MFHAS1: variants seen among roughly 807,000 people sequenced by gnomAD.
MFHAS1 encodes malignant fibrous histiocytoma-amplified sequence 1.
Under a neutral mutation model 70.4 loss-of-function variants are expected in MFHAS1, and 50 were observed. The ratio of observed to expected loss-of-function variants is 0.71; its 90% CI spans 0.57 to 0.90. MFHAS1 has a LOEUF of 0.90. MFHAS1 is among the 40% of genes least tolerant of loss of function. The pLI, the probability that MFHAS1 is intolerant of heterozygous loss-of-function variation, is 0.00. For missense variants in MFHAS1, 1,795 were observed against 1,347.6 expected (o/e 1.33, Z -5.20); for synonymous variants, 952 against 620.0 (o/e 1.54, Z -7.96).
At chr8:8,886,898 G>T (rs150632581) in intron 1 of MFHAS1, among the ~76,000 whole-genome samples, 243 of 152,280 alleles carry the variant, frequency 1.6e-3, no homozygotes, top group African/African-American at 5.7e-3. Context: ...GACTGAGGTG[G>T]GTGGATCATC....
rs983259684 is a variant in MFHAS1, at chr8:8,784,279, C to T, written c.*1743G>A. ...TTAAATGTGACCATTCAGTTTTACA[C>T]ACATGCACACACACACACACGGAGA... is the stretch of plus-strand genomic sequence containing the variant. On this transcript the variant is annotated 3_prime_UTR_variant, in exon 3 of 3. Transcript: ENST00000276282. 6.6e-6 allele frequency: 1 copy of T among 152,272 alleles called. No individual in the cohort carries two copies. The highest frequency in any genetic ancestry group is 1.9e-4 in the East Asian group (1 of 5,184). 9.4% of individuals were successfully genotyped at this position (152,272 alleles called of 1,614,324 possible).
chr8:8,788,463 G>C (rs1277761783), intron 2 of MFHAS1, among the ~76,000 whole-genome samples: 1 of 152,234 alleles, frequency 6.6e-6, no homozygotes, highest in African/African-American at 2.4e-5. Flanking sequence ...CAGATCACCT[G>C]AGGTCAGGAG....
intron 1 of MFHAS1, among the ~76,000 whole-genome samples, chr8:8,824,282 C>G (rs1475682670): frequency 6.6e-6 from 1 of 152,042 alleles, no homozygotes; most frequent in Non-Finnish European, 1.5e-5. Context: ...CATCTCACAT[C>G]TTGCATCTTC....
chr8:8,842,261 C>T (rs1807855049), intron 1 of MFHAS1, among the ~76,000 whole-genome samples: 1 of 152,086 alleles, frequency 6.6e-6, no homozygotes, highest in Non-Finnish European at 1.5e-5. Context: ...CCTCGGCTCA[C>T]TGCAACCTCT....
chr8:8,811,432 T>A (rs760715747), intron 1 of MFHAS1, among the ~76,000 whole-genome samples: 3 of 152,082 alleles, frequency 2.0e-5, no homozygotes, highest in Non-Finnish European at 4.4e-5. Context: ...CACACCATCA[T>A]ACCTCATTTT....
chr8:8,857,365 G>A (rs548255243), intron 1 of MFHAS1, among the ~76,000 whole-genome samples: 20 of 152,154 alleles, frequency 1.3e-4, no homozygotes, highest in African/African-American at 4.8e-4. Flanking sequence ...GCCAAAATAT[G>A]CCAAATTTTT....
intron 1 of MFHAS1, among the ~76,000 whole-genome samples, chr8:8,878,034 A>G (rs1260557115): frequency 6.6e-6 from 1 of 152,130 alleles, no homozygotes; most frequent in Non-Finnish European, 1.5e-5. Flanking sequence ...TTAACTAGAA[A>G]TCATCCTCTG....
At chr8:8,856,125 G>A (rs1008093325) in intron 1 of MFHAS1, among the ~76,000 whole-genome samples, 1 of 152,294 alleles carries the variant, frequency 6.6e-6, no homozygotes, top group East Asian at 1.9e-4. Context: ...GATTCCCCAT[G>A]AACTCCTCAC....
intron 1 of MFHAS1, among the ~76,000 whole-genome samples, chr8:8,798,794 A>G (rs7837533): frequency 0.063 from 9,568 of 152,154 alleles, 638 homozygotes; most frequent in African/African-American, 0.17. Flanking sequence ...CACACCTGCA[A>G]TCCTAGCAGT....
chr8:8,790,513 G>T, intron 2 of MFHAS1: 1 of 351,606 alleles, frequency 2.8e-6, no homozygotes, highest in Non-Finnish European at 4.0e-6. Flanking sequence ...ATTCCTCCTA[G>T]CTTGTTAAAA....
intron 1 of MFHAS1, among the ~76,000 whole-genome samples, chr8:8,889,093 T>C (rs1216570982): frequency 2.7e-5 from 4 of 149,874 alleles, no homozygotes; most frequent in Admixed American, 2.0e-4. Context: ...TTGCTTATGA[T>C]GGTTTAAAAA....
In MFHAS1 at chr8:8,786,007, C is replaced by T. The variant is rs1320822255; in HGVS notation, c.*15G>A. The T allele has an allele frequency of 6.2e-7, 1 of 1,613,906 alleles. No homozygotes were observed. The highest frequency in any genetic ancestry group is 2.2e-5 in the East Asian group (1 of 44,892). Reference sequence around the variant, plus strand: ...ATGCTCTCTTTTCTCCATGGAAATTCCACAGCCACAAACGTCACTGGTTTC... The same window carrying T: ...ATGCTCTCTTTTCTCCATGGAAATTTCACAGCCACAAACGTCACTGGTTTC... On this transcript the variant is annotated 3_prime_UTR_variant, in exon 3 of 3. Coordinates refer to ENST00000276282, the MANE Select transcript of MFHAS1 (RefSeq NM_004225.3).
At chr8:8,826,277 T>TGTGTGC (rs3082467) in intron 1 of MFHAS1, among the ~76,000 whole-genome samples, 1 of 150,852 alleles carries the variant, frequency 6.6e-6, no homozygotes, top group Non-Finnish European at 1.5e-5. Context: ...TGTGTGTGTG[T>TGTGTGC]CGCACACTGC....
At chr8:8,802,325 T>C (rs1305066277) in intron 1 of MFHAS1, among the ~76,000 whole-genome samples, 1 of 152,230 alleles carries the variant, frequency 6.6e-6, no homozygotes, top group Non-Finnish European at 1.5e-5. Flanking sequence ...AAGGATAGCA[T>C]GATGTTTAAA....
chr8:8,786,506 G>A (rs1024726651), intron 2 of MFHAS1, among the ~76,000 whole-genome samples: 1 of 152,160 alleles, frequency 6.6e-6, no homozygotes, highest in Non-Finnish European at 1.5e-5. Flanking sequence ...TAAAATGCAT[G>A]ATTTTACTTA....
At chr8:8,885,819 C>T (rs1364311314) in intron 1 of MFHAS1, among the ~76,000 whole-genome samples, 2 of 152,228 alleles carry the variant, frequency 1.3e-5, no homozygotes, top group African/African-American at 4.8e-5. Flanking sequence ...AAGGGATTCT[C>T]GTGCCTCATT....
At chr8:8,859,208 G>A (rs1043077639) in intron 1 of MFHAS1, among the ~76,000 whole-genome samples, 7 of 152,160 alleles carry the variant, frequency 4.6e-5, no homozygotes, top group African/African-American at 1.7e-4. Context: ...CATGGGTGTA[G>A]TGGCACACGC....
Position 8,890,160 on chromosome 8 carries a change from T to A in MFHAS1, c.2899A>T (p.Asn967Tyr). 3 of 1,614,136 alleles carry A rather than the reference T, an allele frequency of 1.9e-6. No homozygotes were observed. The highest frequency in any genetic ancestry group is 2.5e-6 in the Non-Finnish European group (3 of 1,180,036). Residue 967 changes from asparagine to tyrosine, a missense_variant, in exon 1 of 3, where the codon AAT becomes TAT. Asn to Tyr is a moderately radical substitution (Grantham distance 143). Transcript: ENST00000276282. The stretch of plus-strand genomic sequence containing the variant: ...CCAGGCCATTCCTGAAGTAGGACAT[T>A]CAGTTCCTCCACCAAGGGGGTTATG... ...QAITPLVEEL[N>Y]VLLQEWPGLH...
At chr8:8,853,261 C>T (rs1192133689) in intron 1 of MFHAS1, among the ~76,000 whole-genome samples, 3 of 151,984 alleles carry the variant, frequency 2.0e-5, no homozygotes, top group Non-Finnish European at 2.9e-5. Context: ...ACAGTTTGCT[C>T]GGAAGCTACT....
Sources: gnomAD v4.1 joint callset for allele counts (sites outside exome capture counted in the v4.1 genomes callset) on GRCh38, gnomAD v4.1.1 for gene constraint, MANE v1.5 for transcripts, NCBI Gene and HGNC (gene_info 2026-07-23, HGNC 2026-07-21) for gene names.